GTF2I: variants seen among roughly 807,000 people sequenced by gnomAD.
GTF2I encodes the protein general transcription factor IIi.
Under a neutral mutation model 67.6 loss-of-function variants are expected in GTF2I, and 12 were observed. The ratio of observed to expected loss-of-function variants is 0.18; its 90% CI spans 0.11 to 0.29. GTF2I has a LOEUF of 0.29. Among genes scored for constraint, GTF2I ranks in the 10% least tolerant of loss-of-function variants. The probability of loss-of-function intolerance (pLI) is 1.00; values close to 1 mark genes in which losing one functional copy is unlikely to be tolerated. For missense variants in GTF2I, 271 were observed against 580.1 expected (o/e 0.47, Z 5.47); for synonymous variants, 149 against 197.0 (o/e 0.76, Z 2.04).
At chr7:74,685,047 A>C (rs1034796699) in intron 1 of GTF2I, 2 of 152,244 alleles carry the variant, frequency 1.3e-5, no homozygotes, top group Non-Finnish European at 2.9e-5. Flanking sequence ...CCTGGTGTAC[A>C]TCCTTTGTAA....
intron 1 of GTF2I, among the ~76,000 whole-genome samples, chr7:74,659,554 A>G (rs781823932): frequency 4.0e-5 from 6 of 151,230 alleles, no homozygotes; most frequent in Non-Finnish European, 8.8e-5. Flanking sequence ...ACGCCCGGCT[A>G]ATTTTTGTAT....
At chr7:74,684,654 C>T (rs1554394961) in intron 1 of GTF2I, 1 of 152,340 alleles carries the variant, frequency 6.6e-6, no homozygotes, top group Non-Finnish European at 1.5e-5. Context: ...CCCGGATGCA[C>T]CCATTTCCAG....
chr7:74,673,968 C>T (rs1395997367), intron 1 of GTF2I, among the ~76,000 whole-genome samples: 2 of 151,766 alleles, frequency 1.3e-5, no homozygotes, highest in Non-Finnish European at 2.9e-5. Flanking sequence ...CGTGAGCCAC[C>T]GCGCCTGGCA....
At chr7:74,674,712 ATT>A (rs782675708) in intron 1 of GTF2I, among the ~76,000 whole-genome samples, 19 of 132,078 alleles carry the variant, frequency 1.4e-4, no homozygotes, top group Admixed American at 3.1e-4. Flanking sequence ...CTAATTTTGC[ATT>A]TTTTTTTTTT....
chr7:74,707,713 CA>C (rs1209949497), intron 8 of GTF2I, among the ~76,000 whole-genome samples: 3 of 151,208 alleles, frequency 2.0e-5, no homozygotes, highest in Non-Finnish European at 4.4e-5. Flanking sequence ...TAGATTGTGC[CA>C]AAAAAAATCA....
At chr7:74,700,696 A>C in intron 6 of GTF2I, 62 bp downstream of exon 6, 1 of 1,407,990 alleles carries the variant, frequency 7.1e-7, no homozygotes, top group Non-Finnish European at 1.0e-6. Flanking sequence ...ATTTTCATAC[A>C]CTTTAATGGT....
intron 12 of GTF2I, among the ~76,000 whole-genome samples, chr7:74,723,733 G>T (rs1217075764): frequency 6.6e-6 from 1 of 151,796 alleles, no homozygotes; most frequent in Non-Finnish European, 1.5e-5. Context: ...GCCTGGCCAC[G>T]GTGCTAAGAA....
At position 74,668,319 on chromosome 7, in the gene GTF2I, T is replaced by C. The variant is rs587650427; in HGVS notation, c.-6+10251T>C. 9.3e-5 allele frequency among the ~76,000 whole-genome samples: 12 copies of C among 128,452 alleles called. 1 individual carries two copies. The South Asian group carries it at 3.2e-3, about 34-fold the overall frequency. The allele number at this position is 128,452 out of a possible 152,430, so 84.3% of individuals were successfully genotyped here. A position where few individuals can be genotyped will look rare whatever the true frequency, so the allele number is the denominator to read the frequency against. On this transcript the variant is annotated intron_variant, in intron 1 of 34. Transcript: ENST00000573035. ...TTTTTGGAGTCTTTGTTTTGTAGCA[T>C]GGCAAAGCCCATTGTGTGTGTGTGT...
intron 6 of GTF2I, among the ~76,000 whole-genome samples, chr7:74,703,154 T>TA (rs1156431018): frequency 1.3e-5 from 2 of 152,144 alleles, no homozygotes. Context: ...ATAGTCTTGA[T>TA]ATAAGTCTCT....
intron 3 of GTF2I, among the ~76,000 whole-genome samples, chr7:74,694,633 A>G (rs587721682): frequency 2.1e-4 from 32 of 152,324 alleles, no homozygotes; most frequent in African/African-American, 7.5e-4. Flanking sequence ...AGTGCAAGGT[A>G]AAGCAGCAAG....
intron 3 of GTF2I, among the ~76,000 whole-genome samples, chr7:74,692,121 T>A (rs1483848077): frequency 6.7e-6 from 1 of 150,218 alleles, no homozygotes; most frequent in Non-Finnish European, 1.5e-5. Context: ...GTCACCAGGC[T>A]GGAGTGCAGT....
chr7:74,662,714 G>C (rs587644867), intron 1 of GTF2I, among the ~76,000 whole-genome samples: 1 of 151,838 alleles, frequency 6.6e-6, no homozygotes, highest in East Asian at 1.9e-4. Flanking sequence ...AGTAGACACG[G>C]GGTTTCATCA....
At position 74,713,171 on chromosome 7, in the gene GTF2I, CAACTAAAA is replaced by C. The variant is rs1469990985; in HGVS notation, c.764-1683_764-1676del. Among the ~76,000 whole-genome samples the C allele has an allele frequency of 3.4e-4, 31 of 91,616 alleles. No homozygotes were observed. The East Asian group carries it at 0.015, about 46-fold the overall frequency. 60.1% of individuals were successfully genotyped at this position (91,616 alleles called of 152,430 possible). A position where few individuals can be genotyped will look rare whatever the true frequency, so the allele number is the denominator to read the frequency against. ...ACGTGAAGGTATTTTGAGTAAATAC[CAACTAAAA>C]AAAATATAGTTTAGCAATATTGGAA... is the stretch of plus-strand genomic sequence containing the variant. On this transcript the variant is annotated intron_variant, in intron 9 of 34. Coordinates refer to ENST00000573035, the MANE Select transcript of GTF2I (RefSeq NM_032999.4).
intron 1 of GTF2I, among the ~76,000 whole-genome samples, chr7:74,660,426 A>C (rs1184154901): frequency 2.6e-5 from 4 of 151,818 alleles, no homozygotes; most frequent in African/African-American, 9.7e-5. Context: ...TCCTGACTTC[A>C]GGTGATCCGC....
At chr7:74,693,260 G>C (rs1437567046) in intron 3 of GTF2I, among the ~76,000 whole-genome samples, 2 of 139,424 alleles carry the variant, frequency 1.4e-5, no homozygotes, top group African/African-American at 5.4e-5. Context: ...ATCCGCTGTA[G>C]TGGAATTTTT....
At chr7:74,689,789 C>T (rs1442187481) in intron 2 of GTF2I, among the ~76,000 whole-genome samples, 3 of 152,090 alleles carry the variant, frequency 2.0e-5, no homozygotes, top group African/African-American at 7.2e-5. Context: ...GATATAGGCT[C>T]CCTGCAACCT....
chr7:74,696,736 C>T (rs1275709507), intron 3 of GTF2I, among the ~76,000 whole-genome samples: 1 of 152,080 alleles, frequency 6.6e-6, no homozygotes, highest in Non-Finnish European at 1.5e-5. Flanking sequence ...CTCAGGCGAT[C>T]TGCCCTCCTT....
intron 1 of GTF2I, among the ~76,000 whole-genome samples, chr7:74,677,166 A>G (rs1805975110): frequency 6.6e-6 from 1 of 152,180 alleles, no homozygotes; most frequent in Non-Finnish European, 1.5e-5. Flanking sequence ...TTACATGATA[A>G]TCTAAACTAG....
chr7:74,710,078 T>A (rs955680889), intron 8 of GTF2I, among the ~76,000 whole-genome samples: 11 of 152,222 alleles, frequency 7.2e-5, no homozygotes, highest in Non-Finnish European at 1.3e-4. Flanking sequence ...CACCACTGTG[T>A]AGCAGCAAAA....
Sources: gnomAD v4.1 joint callset for allele counts (sites outside exome capture counted in the v4.1 genomes callset) on GRCh38, gnomAD v4.1.1 for gene constraint, MANE v1.5 for transcripts, NCBI Gene and HGNC (gene_info 2026-07-23, HGNC 2026-07-21) for gene names.